IL1RAPL1: variants seen among roughly 807,000 people sequenced by gnomAD.
IL1RAPL1 encodes the protein interleukin-1 receptor accessory protein-like 1.
Under a neutral mutation model 48.4 loss-of-function variants are expected in IL1RAPL1, and 3 were observed. The observed-to-expected ratio is 0.06, with a 90% confidence interval of 0.03 to 0.16. The LOEUF (loss-of-function observed/expected upper bound fraction) is 0.16, where lower values mean the gene tolerates loss of function less well. Among genes scored for constraint, IL1RAPL1 ranks in the 10% least tolerant of loss-of-function variants. IL1RAPL1 has a pLI of 1.00. For missense variants in IL1RAPL1, 349 were observed against 530.6 expected (o/e 0.66, Z 3.36); for synonymous variants, 185 against 187.7 (o/e 0.99, Z 0.12).
intron 8 of IL1RAPL1, among the ~76,000 whole-genome samples, chrX:29,926,819 A>T (rs1030901412): frequency 9.0e-6 from 1 of 111,727 alleles, no homozygotes; most frequent in Non-Finnish European, 1.9e-5. Flanking sequence ...CCAGGGGTCA[A>T]AATTGCTCCT....
chrX:28,960,392 G>T (rs1449227743), intron 2 of IL1RAPL1, among the ~76,000 whole-genome samples: 2 of 111,728 alleles, frequency 1.8e-5, no homozygotes, highest in African/African-American at 6.5e-5. Context: ...AAGACAGAGG[G>T]ACTGATAATA....
intron 6 of IL1RAPL1, among the ~76,000 whole-genome samples, chrX:29,824,462 A>G (rs949277541): frequency 3.6e-5 from 4 of 111,403 alleles, no homozygotes; most frequent in African/African-American, 1.3e-4. Flanking sequence ...TCTAATTTAT[A>G]GTATGTGCTG....
At chrX:29,107,113 T>G (rs1409180610) in intron 2 of IL1RAPL1, among the ~76,000 whole-genome samples, 3 of 112,455 alleles carry the variant, frequency 2.7e-5, no homozygotes, top group East Asian at 5.6e-4. Flanking sequence ...TCATCTTATT[T>G]AAGAGTAAGT....
At chrX:29,461,853 C>T (rs1238320490) in intron 5 of IL1RAPL1, among the ~76,000 whole-genome samples, 2 of 111,344 alleles carry the variant, frequency 1.8e-5, no homozygotes, top group Non-Finnish European at 3.8e-5. Context: ...GTTCCTGGGA[C>T]CAGGGGTAGA....
At chrX:29,324,290 A>G (rs1329445529) in intron 3 of IL1RAPL1, among the ~76,000 whole-genome samples, 1 of 111,781 alleles carries the variant, frequency 8.9e-6, no homozygotes, top group Non-Finnish European at 1.9e-5. Flanking sequence ...TTATTTTATC[A>G]TAGTTTCTTG....
At chrX:29,721,654 A>G (rs760088238) in intron 6 of IL1RAPL1, among the ~76,000 whole-genome samples, 1 of 111,792 alleles carries the variant, frequency 8.9e-6, no homozygotes, top group Non-Finnish European at 1.9e-5. Context: ...TCTATAATTT[A>G]TGTCAAATTT....
At chrX:29,842,954 G>C (rs1265976374) in intron 6 of IL1RAPL1, among the ~76,000 whole-genome samples, 3 of 111,775 alleles carry the variant, frequency 2.7e-5, no homozygotes, top group Non-Finnish European at 5.6e-5. Flanking sequence ...TCCTACACTT[G>C]TACAACCCAA....
chrX:29,341,236 C>T (rs1394533042), intron 3 of IL1RAPL1, among the ~76,000 whole-genome samples: 1 of 111,662 alleles, frequency 9.0e-6, no homozygotes, highest in African/African-American at 3.3e-5. Context: ...AAAATAAATC[C>T]AAGATGTCTG....
chrX:29,899,613 G>A (rs1445491422), intron 6 of IL1RAPL1, among the ~76,000 whole-genome samples: 1 of 107,140 alleles, frequency 9.3e-6, no homozygotes, highest in Non-Finnish European at 1.9e-5. Flanking sequence ...GCGCGATCTC[G>A]GCTCACTGCA....
At chrX:29,643,724 C>G (rs958285284) in intron 5 of IL1RAPL1, among the ~76,000 whole-genome samples, 1 of 111,301 alleles carries the variant, frequency 9.0e-6, no homozygotes, top group Non-Finnish European at 1.9e-5. Context: ...CCTCTGCCCT[C>G]AAAATACACC....
At chrX:29,334,561 G>A (rs1932950319) in intron 3 of IL1RAPL1, among the ~76,000 whole-genome samples, 1 of 112,015 alleles carries the variant, frequency 8.9e-6, no homozygotes, top group Non-Finnish European at 1.9e-5. Flanking sequence ...TTCTCAGACG[G>A]GGCGGTTGCC....
intron 5 of IL1RAPL1, among the ~76,000 whole-genome samples, chrX:29,491,344 A>G (rs957692099): frequency 2.7e-5 from 3 of 112,581 alleles, no homozygotes; most frequent in Non-Finnish European, 3.8e-5. Flanking sequence ...TGAAACATGC[A>G]GTACCTGATT....
At chrX:29,525,610 C>T (rs1197941013) in intron 5 of IL1RAPL1, among the ~76,000 whole-genome samples, 2 of 111,642 alleles carry the variant, frequency 1.8e-5, no homozygotes, top group African/African-American at 3.3e-5. Flanking sequence ...GGATATACTG[C>T]GTTACCAAAG....
intron 2 of IL1RAPL1, among the ~76,000 whole-genome samples, chrX:29,153,613 C>T (rs924884809): frequency 8.9e-6 from 1 of 112,597 alleles, no homozygotes; most frequent in Admixed American, 9.4e-5. Flanking sequence ...CATGTGTACA[C>T]ATAATAGTTC....
intron 2 of IL1RAPL1, among the ~76,000 whole-genome samples, chrX:28,983,156 A>C (rs954892324): frequency 8.9e-6 from 1 of 112,008 alleles, no homozygotes; most frequent in African/African-American, 3.2e-5. Context: ...TGAAGTGTCC[A>C]TCTCTCTATC....
intron 2 of IL1RAPL1, among the ~76,000 whole-genome samples, chrX:28,978,881 G>A (rs1391988091): frequency 1.8e-5 from 2 of 112,086 alleles, no homozygotes; most frequent in Admixed American, 1.9e-4. Flanking sequence ...GCCACGAAGG[G>A]CATAAGGAAT....
chrX:29,740,122 G>GAAAAAAAAAAAAA (rs1172511347), intron 6 of IL1RAPL1, among the ~76,000 whole-genome samples: 2 of 52,323 alleles, frequency 3.8e-5, no homozygotes, highest in Non-Finnish European at 3.7e-5. Context: ...CAAAAAAACA[G>GAAAAAAAAAAAAA]AAAAAAAAAA....
intron 5 of IL1RAPL1, among the ~76,000 whole-genome samples, chrX:29,429,293 C>T (rs1436695963): frequency 5.4e-5 from 6 of 111,962 alleles, no homozygotes. Context: ...GAGTAGGATC[C>T]TCAAAGCCCC....
At chrX:28,713,946 C>G (rs1446628801) in intron 1 of IL1RAPL1, among the ~76,000 whole-genome samples, 1 of 111,660 alleles carries the variant, frequency 9.0e-6, no homozygotes, top group East Asian at 2.8e-4. Flanking sequence ...CAGGAACTGC[C>G]AATATCGTTT....
Sources: gnomAD v4.1 joint callset for allele counts (sites outside exome capture counted in the v4.1 genomes callset) on GRCh38, gnomAD v4.1.1 for gene constraint, MANE v1.5 for transcripts, NCBI Gene and HGNC (gene_info 2026-07-23, HGNC 2026-07-21) for gene names.